HMCN2: variants seen among roughly 807,000 people sequenced by gnomAD.
The protein encoded by HMCN2 is hemicentin-2.
A neutral mutation model predicts 377.5 loss-of-function variants in HMCN2; 325 were observed. That is an observed-to-expected ratio of 0.86 (90% CI 0.79 to 0.94). The LOEUF (loss-of-function observed/expected upper bound fraction) is 0.94, where lower values mean the gene tolerates loss of function less well. Ranked by LOEUF, HMCN2 falls within the 40% of genes least tolerant of loss-of-function variation. The pLI is 0.00. For missense variants in HMCN2, 4,543 were observed against 4,725.3 expected (o/e 0.96, Z 1.13); for synonymous variants, 2,007 against 2,046.8 (o/e 0.98, Z 0.53).
At position 130,425,042 on chromosome 9, in the gene HMCN2, G is replaced by T. The variant is rs969851862; in HGVS notation, c.13553G>T (p.Gly4518Val). 2 of 1,550,022 alleles carry T rather than the reference G, an allele frequency of 1.3e-6. No individual in the cohort carries two copies. Among genetic ancestry groups the T allele is most frequent in the Non-Finnish European group, 1.7e-6 (2 of 1,146,716 alleles). ...ELLTMTQVAR[G>V]LDPDGLLLLD... ...CTCACGATGACCCAGGTGGCCCGGGGTCTGGATCCCGATGGCCTCCTGCTC... is the reference window on the plus strand; with the variant it reads ...CTCACGATGACCCAGGTGGCCCGGGTTCTGGATCCCGATGGCCTCCTGCTC... Residue 4518 changes from glycine to valine, a missense_variant, in exon 89 of 98, where the codon GGT (glycine) becomes GTT (valine). By Grantham distance (109) the Gly-to-Val change is moderately radical (BLOSUM62 -3). Coordinates refer to ENST00000683500, the MANE Select transcript of HMCN2 (RefSeq NM_001291815.2).
intron 22 of HMCN2, among the ~76,000 whole-genome samples, chr9:130,329,747 C>A (rs1254504783): frequency 1.3e-5 from 2 of 152,072 alleles, no homozygotes; most frequent in Admixed American, 1.3e-4. Flanking sequence ...CTGGCCATAG[C>A]CTCACTTTTG....
Position 130,312,604 on chromosome 9 carries a change from CT to C in HMCN2, c.2350+2546del, listed in dbSNP as rs1837327422. On this transcript the variant is annotated intron_variant, in intron 15 of 97. Transcript: ENST00000683500. ...TCTTTCTTTCTTTCTTTCTTTCTTT[CT>C]TTCTTTCTTTCTCTGTCTCTCTCTT... Among the ~76,000 whole-genome samples, 36 of 102,186 alleles carry C rather than the reference CT, an allele frequency of 3.5e-4. 1 individual carries two copies. The highest frequency in any genetic ancestry group is 1.3e-3 in the African/African-American group (35 of 25,990). The allele number at this position is 102,186 out of a possible 152,430, so 67.0% of individuals were successfully genotyped here.
chr9:130,385,434 C>T (rs1250262514), intron 59 of HMCN2, 126 bp from the exon 60 acceptor site: 14 of 509,792 alleles, frequency 2.7e-5, no homozygotes, highest in East Asian at 7.2e-5. Context: ...CCTGGGTCTG[C>T]GCCAGCCCCC....
rs1229204112 is a variant in HMCN2, at chr9:130,395,346, A to C, written c.10910A>C (p.Gln3637Pro). The C allele has an allele frequency of 2.3e-6, 3 of 1,286,524 alleles. No homozygotes were observed. The highest frequency in any genetic ancestry group is 3.0e-5 in the African/African-American group (2 of 65,672). 79.7% of individuals were successfully genotyped at this position (1,286,524 alleles called of 1,614,324 possible). ...ITWHRDGIVL[Q>P]EDAHTQFPER... is the part of the protein sequence containing the mutation. Reference sequence around the variant, plus strand: ...TGGCACCGAGACGGCATTGTGCTGCAGGTGGGCGCCAGGCAGGGCCCCAGG... The same window carrying C: ...TGGCACCGAGACGGCATTGTGCTGCCGGTGGGCGCCAGGCAGGGCCCCAGG... The change falls in exon 71 of 98, where the codon CAG (glutamine) becomes CCG (proline). Residue 3637 changes from glutamine (Q) to proline (P), a missense_variant and splice_region_variant. This residue lies in a region of HMCN2 where 1,073 missense variants were observed against 1,319.5 expected (regional missense o/e 0.81). Transcript: ENST00000683500.
chr9:130,267,238 C>T, intron 1 of HMCN2, among the ~76,000 whole-genome samples: 1 of 151,894 alleles, frequency 6.6e-6, no homozygotes, highest in Non-Finnish European at 1.5e-5. Context: ...AGCCACTGCA[C>T]CCAGCCTCCC....
At chr9:130,378,366 G>A (rs1433751367) in intron 53 of HMCN2, among the ~76,000 whole-genome samples, 2 of 114,508 alleles carry the variant, frequency 1.7e-5, no homozygotes, top group Non-Finnish European at 3.6e-5. Context: ...CTGGGATGAG[G>A]AGGCTGGTAG....
At position 130,284,689 on chromosome 9, in the gene HMCN2, C is replaced by T. The variant is rs1835323247; in HGVS notation, c.330+16C>T. Reference sequence around the variant, plus strand: ...CTACGTGCAGGTGGGCAGCCCCTGACCCTCTGTCCCACTCTTTCCAGTCTG... The same window carrying T: ...CTACGTGCAGGTGGGCAGCCCCTGATCCTCTGTCCCACTCTTTCCAGTCTG... On this transcript the variant is annotated intron_variant, in intron 2 of 97. Transcript: ENST00000683500. The T allele has an allele frequency of 2.1e-6, 1 of 471,120 alleles. No homozygotes were observed. The highest frequency in any genetic ancestry group is 4.4e-6 in the Non-Finnish European group (1 of 227,052). 29.2% of individuals were successfully genotyped at this position (471,120 alleles called of 1,614,324 possible). A position where few individuals can be genotyped will look rare whatever the true frequency, so the allele number is the denominator to read the frequency against.
intron 59 of HMCN2, among the ~76,000 whole-genome samples, chr9:130,385,151 C>T (rs920319150): frequency 6.6e-6 from 1 of 152,136 alleles, no homozygotes; most frequent in Non-Finnish European, 1.5e-5. Context: ...TTCACTTGCA[C>T]GAACACCAGC....
At chr9:130,405,370 T>C (rs1389759386) in intron 81 of HMCN2, among the ~76,000 whole-genome samples, 2 of 152,250 alleles carry the variant, frequency 1.3e-5, no homozygotes, top group African/African-American at 4.8e-5. Flanking sequence ...TTGTCAACCA[T>C]GCGTTGGCAT....
At chr9:130,302,058 T>TTTTTTC (rs1166752818) in intron 8 of HMCN2, among the ~76,000 whole-genome samples, 9 of 152,068 alleles carry the variant, frequency 5.9e-5, no homozygotes, top group African/African-American at 1.4e-4. Flanking sequence ...GCTTTTTTTT[T>TTTTTTC]TGAGATGAAG....
intron 44 of HMCN2, among the ~76,000 whole-genome samples, chr9:130,368,969 C>G (rs942651246): frequency 6.6e-6 from 1 of 152,170 alleles, no homozygotes; most frequent in African/African-American, 2.4e-5. Flanking sequence ...AACTGCCCCT[C>G]CCACACAGCT....
chr9:130,315,416 C>T (rs1837520644), intron 15 of HMCN2, among the ~76,000 whole-genome samples: 1 of 121,092 alleles, frequency 8.3e-6, no homozygotes, highest in East Asian at 2.4e-4. Flanking sequence ...TGTCCCTATG[C>T]ACCAATTATA....
chr9:130,425,172 G>A, intron 89 of HMCN2, 42 bp downstream of exon 89: 1 of 1,496,316 alleles, frequency 6.7e-7, no homozygotes, highest in Non-Finnish European at 8.9e-7. Context: ...GGGTAGGTGA[G>A]AGAGACGAAG....
At chr9:130,430,232 T>C in intron 94 of HMCN2, 52 bp from the exon 95 acceptor site, 1 of 1,418,446 alleles carries the variant, frequency 7.0e-7, no homozygotes, top group Non-Finnish European at 9.4e-7. Context: ...GGCTGCAGGC[T>C]GCAGGGGAAC....
chr9:130,366,819 G>C (rs765570978), intron 43 of HMCN2, among the ~76,000 whole-genome samples: 50 of 152,254 alleles, frequency 3.3e-4, no homozygotes, highest in Middle Eastern at 3.4e-3. Context: ...TATAGCAGAG[G>C]ATAAAACAGA....
chr9:130,316,629 T>C lies in HMCN2; in HGVS notation c.2351-2866T>C, dbSNP rs945767599. Among the ~76,000 whole-genome samples the C allele has an allele frequency of 1.8e-4, 28 of 152,296 alleles. 1 individual carries two copies. Among genetic ancestry groups the C allele is most frequent in the Admixed American group, 1.8e-3 (28 of 15,308 alleles). On this transcript the variant is annotated intron_variant, in intron 15 of 97. Coordinates refer to ENST00000683500, the MANE Select transcript of HMCN2 (RefSeq NM_001291815.2). ...CTCCTCCAGGAGTCTCCAGAGCTGC[T>C]GACAACATCACCTGTCTCTGGATGC... is the stretch of plus-strand genomic sequence containing the variant.
At chr9:130,392,846 A>G (rs12550899) in intron 66 of HMCN2, among the ~76,000 whole-genome samples, 37,296 of 151,162 alleles carry the variant, frequency 0.25, 5,079 homozygotes, top group East Asian at 0.49. Context: ...AATACAAAAA[A>G]TTAGCCGGGC....
At chr9:130,397,505 A>G in intron 73 of HMCN2, 23 bp from the exon 74 acceptor site, 1 of 1,289,218 alleles carries the variant, frequency 7.8e-7, no homozygotes, top group Non-Finnish European at 1.0e-6. Context: ...GCTCATCTCC[A>G]GGGCAACCCC....
intron 7 of HMCN2, among the ~76,000 whole-genome samples, 195 bp downstream of exon 7, chr9:130,296,989 C>A (rs1554932411): frequency 6.6e-6 from 1 of 152,198 alleles, no homozygotes; most frequent in East Asian, 1.9e-4. Flanking sequence ...AGCATTCTTT[C>A]CACTAGCCCC....
Sources: allele counts gnomAD v4.1 joint callset (sites outside exome capture counted in the v4.1 genomes callset), GRCh38; gene constraint gnomAD v4.1.1; regional missense constraint gnomAD v4.1.1; transcripts MANE v1.5; gene names NCBI Gene and HGNC (gene_info 2026-07-23, HGNC 2026-07-21).